PDZRN3: variants seen among roughly 807,000 people sequenced by gnomAD.
The protein encoded by PDZRN3 is PDZ domain containing ring finger 3, also known as E3 ubiquitin-protein ligase PDZRN3.
PDZRN3 carries 38 observed loss-of-function variants against 85.7 expected under a neutral mutation model. The observed-to-expected ratio is 0.44, with a 90% confidence interval of 0.34 to 0.58. The LOEUF is 0.58. Ranked by LOEUF, PDZRN3 falls within the 20% of genes least tolerant of loss-of-function variation. The pLI, the probability that PDZRN3 is intolerant of heterozygous loss-of-function variation, is 0.01. For synonymous variants in PDZRN3, 759 were observed against 638.0 expected, an observed-to-expected ratio of 1.19 and a Z score of -2.86; for missense variants, 1,629 against 1,506.4, an observed-to-expected ratio of 1.08 and a Z score of -1.35.
intron 8 of PDZRN3, among the ~76,000 whole-genome samples, chr3:73,386,452 C>T (rs1271190816): frequency 6.6e-6 from 1 of 152,046 alleles, no homozygotes; most frequent in Non-Finnish European, 1.5e-5. Context: ...CCTCAGCCTC[C>T]CAACATGCTG....
At chr3:73,530,225 C>A (rs1704621936) in intron 3 of PDZRN3, among the ~76,000 whole-genome samples, 1 of 152,162 alleles carries the variant, frequency 6.6e-6, no homozygotes, top group African/African-American at 2.4e-5. Context: ...GGAACAATGA[C>A]CACAAAGATG....
intron 3 of PDZRN3, among the ~76,000 whole-genome samples, chr3:73,405,649 TC>T (rs1201959499): frequency 5.3e-5 from 8 of 152,208 alleles, no homozygotes; most frequent in African/African-American, 1.9e-4. Context: ...TCATAGCAAT[TC>T]CTGAGTTTAA....
At chr3:73,528,885 A>AACACACACAC (rs56134399) in intron 3 of PDZRN3, among the ~76,000 whole-genome samples, 228 of 146,864 alleles carry the variant, frequency 1.6e-3, no homozygotes, top group African/African-American at 5.4e-3. Flanking sequence ...TTTTGTGGGA[A>AACACACACAC]ACACACACAC....
At position 73,393,101 on chromosome 3, in the gene PDZRN3, T is replaced by C. The variant is rs140028219; in HGVS notation, c.1255-1985A>G. ...TGAATCAACGAAATATCACGACGGT[T>C]TAGGTCCAACTGCACAGATGTAGCT... On this transcript the variant is annotated intron_variant, in intron 5 of 9. Coordinates refer to ENST00000263666, the MANE Select transcript of PDZRN3 (RefSeq NM_015009.3). 3.3e-5 allele frequency among the ~76,000 whole-genome samples: 5 copies of C among 152,194 alleles called. No individual in the cohort carries two copies. The East Asian group carries it at 9.7e-4, about 29-fold the overall frequency.
At chr3:73,533,225 G>A (rs1180687492) in intron 3 of PDZRN3, among the ~76,000 whole-genome samples, 1 of 152,120 alleles carries the variant, frequency 6.6e-6, no homozygotes, top group East Asian at 1.9e-4. Flanking sequence ...TTTCCATATT[G>A]TTTATGGCGA....
At chr3:73,393,355 A>ACTACTACTG (rs1443344464) in intron 5 of PDZRN3, among the ~76,000 whole-genome samples, 4 of 152,176 alleles carry the variant, frequency 2.6e-5, no homozygotes, top group Non-Finnish European at 5.9e-5. Flanking sequence ...TACTACTACT[A>ACTACTACTG]CTACTACTGC....
chr3:73,577,094 T>C (rs996236334), intron 3 of PDZRN3, among the ~76,000 whole-genome samples: 3 of 152,242 alleles, frequency 2.0e-5, no homozygotes, highest in Non-Finnish European at 2.9e-5. Flanking sequence ...TGAATCATTC[T>C]ATAAGAGGTC....
rs879510100 is a variant in PDZRN3, at chr3:73,563,013, A to ATTT, written c.918+39338_918+39340dup. Among the ~76,000 whole-genome samples the ATTT allele has an allele frequency of 3.2e-4, 14 of 43,752 alleles. 1 individual carries two copies. The highest frequency in any genetic ancestry group is 2.0e-3 in the East Asian group (2 of 984). The allele number at this position is 43,752 out of a possible 152,430, so 28.7% of individuals were successfully genotyped here. Reference sequence around the variant, plus strand: ...TATATATATATATATATATATATATATTTTTTTTTTTTTTTTTTTTTTTGA... The same window carrying ATTT: ...TATATATATATATATATATATATATATTTTTTTTTTTTTTTTTTTTTTTTTTGA... On this transcript the variant is annotated intron_variant, in intron 3 of 9. Transcript: ENST00000263666.
At position 73,382,673 on chromosome 3, in the gene PDZRN3, C is replaced by G. The variant is rs918728975; in HGVS notation, c.*692G>C. 1 of 152,646 alleles carries G rather than the reference C, an allele frequency of 6.6e-6. No individual in the cohort carries two copies. The highest frequency in any genetic ancestry group is 1.5e-5 in the Non-Finnish European group (1 of 68,044). 9.5% of individuals were successfully genotyped at this position (152,646 alleles called of 1,614,324 possible). A position where few individuals can be genotyped will look rare whatever the true frequency, so the allele number is the denominator to read the frequency against. On this transcript the variant is annotated 3_prime_UTR_variant, in exon 10 of 10. Transcript: ENST00000263666. ...CACAACTTTCCTGTACATGCAAATT[C>G]TTTCAATGGGCTGCAATATTTGCAA...
chr3:73,581,329 T>C (rs1247201526), intron 3 of PDZRN3, among the ~76,000 whole-genome samples: 1 of 152,256 alleles, frequency 6.6e-6, no homozygotes, highest in Non-Finnish European at 1.5e-5. Flanking sequence ...ACTCTACTTT[T>C]GGAAGACACA....
At chr3:73,520,218 A>G (rs763940959) in intron 3 of PDZRN3, among the ~76,000 whole-genome samples, 8 of 152,144 alleles carry the variant, frequency 5.3e-5, no homozygotes, top group Non-Finnish European at 1.0e-4. Flanking sequence ...TCAAGAGTAA[A>G]CTAGGCCAGG....
chr3:73,397,928 G>A (rs1259894580), intron 5 of PDZRN3, among the ~76,000 whole-genome samples: 3 of 152,160 alleles, frequency 2.0e-5, no homozygotes, highest in South Asian at 2.1e-4. Flanking sequence ...AAGAAGAAAC[G>A]AAAAGCTAAT....
chr3:73,499,264 T>C (rs1451269445), intron 3 of PDZRN3, among the ~76,000 whole-genome samples: 1 of 152,184 alleles, frequency 6.6e-6, no homozygotes, highest in Non-Finnish European at 1.5e-5. Flanking sequence ...CCTGATCTCA[T>C]GGAGTTTTCA....
chr3:73,594,906 T>C (rs1204481502), intron 3 of PDZRN3, among the ~76,000 whole-genome samples: 1 of 152,180 alleles, frequency 6.6e-6, no homozygotes, highest in Non-Finnish European at 1.5e-5. Context: ...TACTACCAAA[T>C]GACAATGCAA....
chr3:73,390,774 A>G (rs1040817233), intron 6 of PDZRN3, among the ~76,000 whole-genome samples: 9 of 152,052 alleles, frequency 5.9e-5, no homozygotes, highest in Non-Finnish European at 1.3e-4. Flanking sequence ...ACACAAAACC[A>G]TGTAAACGGC....
chr3:73,537,588 A>G (rs1190113235), intron 3 of PDZRN3, among the ~76,000 whole-genome samples: 1 of 150,880 alleles, frequency 6.6e-6, no homozygotes, highest in Non-Finnish European at 1.5e-5. Flanking sequence ...ATGAAAGGCC[A>G]ATAAGACCTG....
chr3:73,607,173 T>C (rs537990889), intron 2 of PDZRN3, among the ~76,000 whole-genome samples: 2 of 152,350 alleles, frequency 1.3e-5, no homozygotes, highest in East Asian at 3.9e-4. Context: ...CACAGGTGAA[T>C]GCGTGTAACA....
At chr3:73,622,411 G>A (rs915724054) in intron 1 of PDZRN3, among the ~76,000 whole-genome samples, 2 of 152,200 alleles carry the variant, frequency 1.3e-5, no homozygotes, top group African/African-American at 2.4e-5. Flanking sequence ...TCCCCTTTCT[G>A]CCACACCATC....
At chr3:73,494,672 A>C (rs1703834014) in intron 3 of PDZRN3, among the ~76,000 whole-genome samples, 1 of 152,212 alleles carries the variant, frequency 6.6e-6, no homozygotes, top group African/African-American at 2.4e-5. Context: ...TAATTCTTTC[A>C]CTTCTTTAAA....
Sources: allele counts gnomAD v4.1 joint callset (sites outside exome capture counted in the v4.1 genomes callset), GRCh38; gene constraint gnomAD v4.1.1; transcripts MANE v1.5; gene names NCBI Gene and HGNC (gene_info 2026-07-23, HGNC 2026-07-21).